The following PDE8B variants were observed in gnomAD, a reference collection of about 807,000 sequenced individuals.
The protein encoded by PDE8B is high affinity cAMP-specific and IBMX-insensitive 3',5'-cyclic phosphodiesterase 8B.
PDE8B carries 26 observed loss-of-function variants against 101.3 expected under a neutral mutation model. The observed-to-expected ratio is 0.26, with a 90% confidence interval of 0.19 to 0.36. The LOEUF (loss-of-function observed/expected upper bound fraction) is 0.36. PDE8B is among the 10% of genes least tolerant of loss of function. The pLI is 1.00. For missense variants in PDE8B, 810 were observed against 1,163.1 expected, an observed-to-expected ratio of 0.70 and a Z score of 4.42; for synonymous variants, 424 against 429.3, an observed-to-expected ratio of 0.99 and a Z score of 0.15.
At chr5:77,237,944 G>A (rs1397237385) in intron 1 of PDE8B, among the ~76,000 whole-genome samples, 1 of 152,052 alleles carries the variant, frequency 6.6e-6, no homozygotes, top group Non-Finnish European at 1.5e-5. Flanking sequence ...CATGGTTTCT[G>A]GTGAGAAACC....
intron 1 of PDE8B, chr5:77,290,710 A>G (rs913037017): frequency 9.3e-6 from 14 of 1,500,298 alleles, no homozygotes; most frequent in Non-Finnish European, 1.3e-5. Flanking sequence ...AGACCTGGCC[A>G]TGCACTGATT....
chr5:77,396,759 C>A (rs1791146678), intron 10 of PDE8B, among the ~76,000 whole-genome samples: 2 of 152,042 alleles, frequency 1.3e-5, no homozygotes. Context: ...TAATAAACTT[C>A]TTTATCAAAA....
intron 2 of PDE8B, among the ~76,000 whole-genome samples, chr5:77,315,740 G>A (rs938498220): frequency 1.3e-5 from 2 of 152,166 alleles, no homozygotes; most frequent in African/African-American, 4.8e-5. Context: ...GTGTTGTTAG[G>A]TGTATCCAAG....
chr5:77,361,453 C>A (rs548311440), intron 10 of PDE8B, among the ~76,000 whole-genome samples: 2 of 152,044 alleles, frequency 1.3e-5, no homozygotes, highest in East Asian at 3.8e-4. Context: ...AAAGAAGTTC[C>A]TCACATCACT....
chr5:77,258,289 C>CAA lies in PDE8B; in HGVS notation c.339+47045_339+47046dup, dbSNP rs70988662. Reference sequence around the variant, plus strand: ...GGGTGACAAAAGCGAGACTCCATCTCAAAAAAAAAAAAAAAAAAAAAGGAA... The same window carrying CAA: ...GGGTGACAAAAGCGAGACTCCATCTCAAAAAAAAAAAAAAAAAAAAAAAGGAA... On this transcript the variant is annotated intron_variant, in intron 1 of 21. Transcript: ENST00000264917. 5.3e-3 allele frequency among the ~76,000 whole-genome samples: 469 copies of CAA among 88,484 alleles called. 6 individuals are homozygous for CAA. The highest frequency in any genetic ancestry group is 0.01 in the African/African-American group (233 of 22,898). The allele number at this position is 88,484 out of a possible 152,430, so 58.0% of individuals were successfully genotyped here.
intron 1 of PDE8B, among the ~76,000 whole-genome samples, chr5:77,276,810 A>G (rs1763941045): frequency 6.6e-6 from 1 of 152,226 alleles, no homozygotes; most frequent in Non-Finnish European, 1.5e-5. Flanking sequence ...CACATCTCAG[A>G]TAGAAGCTCT....
chr5:77,305,269 C>T (rs570710287), intron 1 of PDE8B, among the ~76,000 whole-genome samples: 1 of 152,146 alleles, frequency 6.6e-6, no homozygotes, highest in Admixed American at 6.5e-5. Flanking sequence ...ATATGAAGCC[C>T]AGGTTGAGAA....
intron 1 of PDE8B, among the ~76,000 whole-genome samples, chr5:77,243,172 AC>A (rs761062432): frequency 2.6e-5 from 4 of 152,164 alleles, no homozygotes; most frequent in Non-Finnish European, 4.4e-5. Flanking sequence ...CTTGAGCCTA[AC>A]TTTTTTGGAG....
intron 17 of PDE8B, among the ~76,000 whole-genome samples, chr5:77,416,861 C>T (rs552675466): frequency 9.8e-5 from 15 of 152,286 alleles, no homozygotes; most frequent in Admixed American, 9.2e-4. Context: ...GACCTCCCCA[C>T]CCCCAACATC....
chr5:77,110,836 A>G, the PDE8B span, among the ~76,000 whole-genome samples: 46 of 152,196 alleles, frequency 3.0e-4, no homozygotes, highest in African/African-American at 9.2e-4. Context: ...TTCAGACTAT[A>G]CCATTTTCCC....
At chr5:77,123,101 C>T in the PDE8B span, among the ~76,000 whole-genome samples, 5 of 152,158 alleles carry the variant, frequency 3.3e-5, no homozygotes, top group African/African-American at 7.2e-5. Context: ...CCTGAGACTA[C>T]TTAGTTTATC....
chr5:77,095,868 CTT>C, the PDE8B span, among the ~76,000 whole-genome samples: 4 of 152,292 alleles, frequency 2.6e-5, no homozygotes, highest in East Asian at 7.7e-4. Context: ...GATATGGACT[CTT>C]TTCAAACTGA....
chr5:77,185,516 C>T, the PDE8B span, among the ~76,000 whole-genome samples: 1 of 152,144 alleles, frequency 6.6e-6, no homozygotes, highest in African/African-American at 2.4e-5. Flanking sequence ...GACTCTATCT[C>T]CAAATACAGT....
chr5:77,413,476 T>C (rs1360819033), intron 17 of PDE8B, among the ~76,000 whole-genome samples, 167 bp downstream of exon 17: 1 of 152,174 alleles, frequency 6.6e-6, no homozygotes, highest in Non-Finnish European at 1.5e-5. Flanking sequence ...TGTAAAGACA[T>C]GGACCTTTCT....
chr5:77,185,492 A>C, the PDE8B span, among the ~76,000 whole-genome samples: 1 of 152,174 alleles, frequency 6.6e-6, no homozygotes, highest in Admixed American at 6.5e-5. Context: ...ATTTAAAATT[A>C]ATTCCTCTTT....
At chr5:77,408,020 C>T (rs879052627) in intron 13 of PDE8B, among the ~76,000 whole-genome samples, 1 of 152,082 alleles carries the variant, frequency 6.6e-6, no homozygotes, top group Admixed American at 6.6e-5. Flanking sequence ...GGTGATGTGA[C>T]CAGATATGTT....
the PDE8B span, chr5:77,104,412 A>G: frequency 3.3e-5 from 5 of 152,184 alleles, no homozygotes; most frequent in Non-Finnish European, 5.9e-5. Context: ...TGGGACTTTT[A>G]GGAGGTGATT....
At chr5:77,149,168 A>G in the PDE8B span, among the ~76,000 whole-genome samples, 4 of 152,136 alleles carry the variant, frequency 2.6e-5, no homozygotes, top group Non-Finnish European at 5.9e-5. Context: ...TCAAAAATCA[A>G]TTGACCATAA....
rs571228090 is a variant in PDE8B at position 77,235,317 on chromosome 5, A to G, written c.339+24053A>G. Among the ~76,000 whole-genome samples, 4 of 152,332 alleles carry G rather than the reference A, an allele frequency of 2.6e-5. No individual in the cohort carries two copies. In the South Asian group the frequency reaches 6.2e-4, roughly 24 times the overall value. On this transcript the variant is annotated intron_variant, in intron 1 of 21. Coordinates refer to ENST00000264917, the MANE Select transcript of PDE8B (RefSeq NM_003719.5). ...TTATTCACCTTTAGTATATTATTCA[A>G]TTGATGAAATACTCAGAATGGCCTT...
Sources: gnomAD v4.1 joint callset for allele counts (sites outside exome capture counted in the v4.1 genomes callset) on GRCh38, gnomAD v4.1.1 for gene constraint, MANE v1.5 for transcripts, NCBI Gene and HGNC (gene_info 2026-07-23, HGNC 2026-07-21) for gene names.